NIN: variants seen among roughly 807,000 people sequenced by gnomAD.
The protein encoded by NIN is glycogen synthase kinase 3 beta-interacting protein.
Under a neutral mutation model 257.6 loss-of-function variants are expected in NIN, and 137 were observed. The observed-to-expected ratio is 0.53, with a 90% CI of 0.46 to 0.61. NIN has a LOEUF of 0.61. Among genes scored for constraint, NIN ranks in the 20% least tolerant of loss-of-function variants. NIN has a pLI of 0.00. For missense variants in NIN, 2,439 were observed against 2,501.2 expected (o/e 0.98, Z 0.53); for synonymous variants, 918 against 919.8 (o/e 1.00, Z 0.04).
At chr14:50,726,201 A>G (rs1166871493) in intron 29 of NIN, 135 bp from the exon 30 acceptor site, 1 of 681,004 alleles carries the variant, frequency 1.5e-6, no homozygotes, top group Admixed American at 2.8e-5. Context: ...TTCTCATGAA[A>G]TGAGAGTTTT....
rs574867742 is a variant in NIN at position 50,764,546 on chromosome 14, G to A, written c.1636-582C>T. 7.9e-5 allele frequency among the ~76,000 whole-genome samples: 12 copies of A among 152,142 alleles called. No individual in the cohort carries two copies. The South Asian group carries it at 2.1e-3, about 26-fold the overall frequency. On this transcript the variant is annotated intron_variant, in intron 14 of 30. Coordinates refer to ENST00000530997, the MANE Select transcript of NIN (RefSeq NM_020921.4). ...CGTGCGCACAAATTTTCATAGCTGC[G>A]TTACTCATAATAGCCAAAATCCCCC...
intron 7 of NIN, among the ~76,000 whole-genome samples, chr14:50,775,478 A>G (rs2042887683): frequency 6.6e-6 from 1 of 152,210 alleles, no homozygotes; most frequent in African/African-American, 2.4e-5. Context: ...AAATTTTAGG[A>G]TTCCAAGTAA....
In NIN at chr14:50,725,997, C is replaced by G; in HGVS notation, c.6148G>C (p.Val2050Leu). Residue 2050 changes from valine to leucine, a missense_variant, in exon 30 of 31, where the codon GTG (valine) becomes CTG (leucine). By Grantham distance (32) the Val-to-Leu change is conservative (BLOSUM62 1). Transcript: ENST00000530997. ...MIEVEQKLKL[V>L]KRLLQEKVNQ... Reference sequence around the variant, plus strand: ...ACTTTCTCTTGAAGAAGCCTTTTCACTAGTTTCAGTTTCTGTTCAACTTCT... The same window carrying G: ...ACTTTCTCTTGAAGAAGCCTTTTCAGTAGTTTCAGTTTCTGTTCAACTTCT... The G allele has an allele frequency of 6.2e-7, 1 of 1,614,140 alleles. No homozygotes were observed. Among genetic ancestry groups the G allele is most frequent in the Non-Finnish European group, 8.5e-7 (1 of 1,179,986 alleles).
chr14:50,778,064 G>C (rs2042988876), intron 6 of NIN, among the ~76,000 whole-genome samples: 1 of 152,230 alleles, frequency 6.6e-6, no homozygotes, highest in Non-Finnish European at 1.5e-5. Context: ...CTGAGGTTCT[G>C]TTAGCTGAAC....
At chr14:50,792,242 G>A (rs2043628199) in intron 5 of NIN, 1 of 155,124 alleles carries the variant, frequency 6.4e-6, no homozygotes, top group African/African-American at 2.4e-5. Flanking sequence ...AAAACCAAGT[G>A]TTCGAGCTGC....
intron 3 of NIN, among the ~76,000 whole-genome samples, chr14:50,819,779 CTTTT>C (rs1555394638): frequency 2.6e-5 from 4 of 152,112 alleles, no homozygotes; most frequent in Non-Finnish European, 5.9e-5. Context: ...TTCTTTCTTT[CTTTT>C]TTAATTAAAC....
intron 5 of NIN, among the ~76,000 whole-genome samples, chr14:50,781,597 A>T (rs145728623): frequency 6.6e-6 from 1 of 152,134 alleles, no homozygotes; most frequent in Non-Finnish European, 1.5e-5. Context: ...CTAACTAATA[A>T]AGGATCGAGT....
chr14:50,732,917 A>C (rs990357966), intron 28 of NIN, among the ~76,000 whole-genome samples: 6 of 151,186 alleles, frequency 4.0e-5, no homozygotes, highest in Admixed American at 1.3e-4. Context: ...TAAAAACTTC[A>C]ATCTGGAGAA....
intron 3 of NIN, among the ~76,000 whole-genome samples, chr14:50,811,185 T>G (rs1309328974): frequency 6.7e-6 from 1 of 149,698 alleles, no homozygotes; most frequent in Non-Finnish European, 1.5e-5. Context: ...CTTGGCTCAC[T>G]GCAACCTCCA....
Position 50,797,666 on chromosome 14 carries a change from C to T in NIN, c.266-4785G>A, listed in dbSNP as rs532194551. Among the ~76,000 whole-genome samples, 5 of 152,174 alleles carry T rather than the reference C, an allele frequency of 3.3e-5. 1 individual carries two copies. In the South Asian group the frequency reaches 1.0e-3, roughly 32 times the overall value. On this transcript the variant is annotated intron_variant, in intron 4 of 30. Transcript: ENST00000530997. ...AGGGATTACACAGTGAAAATGCAAA[C>T]CCACGCCTGATTCTAAATAAGAGAA...
intron 26 of NIN, 24 bp from the exon 27 acceptor site, chr14:50,738,310 A>G (rs2041103162): frequency 3.1e-6 from 5 of 1,603,938 alleles, no homozygotes; most frequent in Non-Finnish European, 3.4e-6. Context: ...ATGTAAGAGG[A>G]AAAAATGCTA....
intron 12 of NIN, among the ~76,000 whole-genome samples, chr14:50,767,154 G>A (rs1291791536): frequency 6.6e-6 from 1 of 152,200 alleles, no homozygotes; most frequent in African/African-American, 2.4e-5. Flanking sequence ...ACTGGGTACT[G>A]GGCCCTTGAA....
intron 2 of NIN, among the ~76,000 whole-genome samples, chr14:50,824,520 G>C (rs561663673): frequency 1.2e-3 from 186 of 152,346 alleles, no homozygotes; most frequent in African/African-American, 3.9e-3. Context: ...ATCTGGCACA[G>C]AAGGCATTTT....
intron 15 of NIN, among the ~76,000 whole-genome samples, 171 bp downstream of exon 15, chr14:50,763,655 G>A (rs2042357976): frequency 6.6e-6 from 1 of 151,476 alleles, no homozygotes; most frequent in Non-Finnish European, 1.5e-5. Context: ...AAACTTCAAG[G>A]ACAAATGAAA....
At chr14:50,776,904 A>G in intron 7 of NIN, 45 bp downstream of exon 7, 1 of 1,534,810 alleles carries the variant, frequency 6.5e-7, no homozygotes, top group South Asian at 1.2e-5. Flanking sequence ...GGTCAACTAC[A>G]CTTTTACCAT....
At position 50,756,888 on chromosome 14, in the gene NIN, T is replaced by C. The variant is rs1334614431; in HGVS notation, c.4142A>G (p.His1381Arg). The C allele has an allele frequency of 1.9e-6, 3 of 1,554,480 alleles. No homozygotes were observed. The African/African-American group carries it at 4.1e-5, about 21-fold the overall frequency. Residue 1381 changes from histidine to arginine, a missense_variant, in exon 18 of 31, where the codon CAT becomes CGT. His to Arg is a conservative substitution (Grantham distance 29, BLOSUM62 0). This residue lies in a region of NIN where 2,043 missense variants were observed against 2,050.2 expected (regional missense o/e 1.00). Transcript: ENST00000530997. ...TTGCTTACATTCCTCTATGACATGA[T>C]GTACACTCCTAACCCTGGGCACACA... ...EECVPRVRSV[H>R]HVIEECKQEN...
At chr14:50,746,980 GCCTCCT>G (rs2041575206) in intron 22 of NIN, among the ~76,000 whole-genome samples, 1 of 152,140 alleles carries the variant, frequency 6.6e-6, no homozygotes, top group Admixed American at 6.5e-5. Flanking sequence ...ACTCATCTCA[GCCTCCT>G]GAGTAGCTGG....
chr14:50,767,301 C>G (rs188785167), intron 12 of NIN, among the ~76,000 whole-genome samples: 1 of 152,304 alleles, frequency 6.6e-6, no homozygotes, highest in African/African-American at 2.4e-5. Flanking sequence ...CTGGATTAAA[C>G]AAGATTATTT....
chr14:50,744,490 A>C (rs540262765), intron 22 of NIN, 125 bp from the exon 23 acceptor site: 2 of 982,942 alleles, frequency 2.0e-6, no homozygotes, highest in South Asian at 3.1e-5. Flanking sequence ...TTCAGAGGAC[A>C]TAAACTCTAG....
Sources: gnomAD v4.1 joint callset for allele counts (sites outside exome capture counted in the v4.1 genomes callset) on GRCh38, gnomAD v4.1.1 for gene constraint, gnomAD v4.1.1 regional missense constraint, MANE v1.5 for transcripts, NCBI Gene and HGNC (gene_info 2026-07-23, HGNC 2026-07-21) for gene names.